Variants in TSPEAR observed in about 807,000 individuals in gnomAD.
TSPEAR encodes thrombospondin type laminin G domain and EAR repeats.
Under a neutral mutation model 71.6 loss-of-function variants are expected in TSPEAR, and 69 were observed. The observed-to-expected ratio is 0.96, with a 90% CI of 0.79 to 1.18. The LOEUF is 1.18. Among genes scored for constraint, TSPEAR ranks in the 50% most tolerant of loss-of-function variants. The pLI, the probability that TSPEAR is intolerant of heterozygous loss-of-function variation, is 0.00. For missense variants in TSPEAR, 971 were observed against 894.9 expected (o/e 1.09, Z -1.09); for synonymous variants, 402 against 387.2 (o/e 1.04, Z -0.45).
chr21:44,508,604 C>A, intron 10 of TSPEAR: 1 of 1,181,282 alleles, frequency 8.5e-7, no homozygotes, highest in Non-Finnish European at 1.1e-6. Flanking sequence ...TGCCCACTGT[C>A]CAAAATGTGG....
chr21:44,504,836 C>T lies in TSPEAR; in HGVS notation c.1800G>A (p.Leu600=). 6.2e-7 allele frequency: 1 copy of T among 1,613,128 alleles called. No homozygotes were observed. Among genetic ancestry groups the T allele is most frequent in the Non-Finnish European group, 8.5e-7 (1 of 1,179,742 alleles). The change falls in exon 11 of 12, where the codon CTG becomes CTA. Residue 600 remains leucine, a synonymous_variant. Coordinates refer to ENST00000323084, the MANE Select transcript of TSPEAR (RefSeq NM_144991.3). ...EFFSVGEDYF[L]VVANSFDGRT... ...GCCCATCGAAGGAGTTGGCCACCACCAGGAAATAATCTTCTCCCACCGAGA... is the reference window on the plus strand; with the variant it reads ...GCCCATCGAAGGAGTTGGCCACCACTAGGAAATAATCTTCTCCCACCGAGA...
chr21:44,544,129 T>C (rs2053264149), intron 2 of TSPEAR, among the ~76,000 whole-genome samples: 1 of 152,232 alleles, frequency 6.6e-6, no homozygotes, highest in Admixed American at 6.5e-5. Context: ...GGGTTTAAGT[T>C]TGCGCTGTCC....
chr21:44,647,100 A>G, intron 1 of TSPEAR: 1 of 1,612,026 alleles, frequency 6.2e-7, no homozygotes, highest in South Asian at 1.1e-5. Context: ...CTTCCTCTTC[A>G]CGCTGCCAGC....
At position 44,677,996 on chromosome 21, in the gene TSPEAR, G is replaced by A. The variant is rs587649730; in HGVS notation, c.82+33437C>T. 31 of 1,023,764 alleles carry A rather than the reference G, an allele frequency of 3.0e-5. 1 individual carries two copies. Among genetic ancestry groups the A allele is most frequent in the South Asian group, 1.6e-4 (12 of 76,142 alleles). The allele number at this position is 1,023,764 out of a possible 1,614,324, so 63.4% of individuals were successfully genotyped here. The stretch of plus-strand genomic sequence containing the variant: ...GAGCTGCCTGAAGTAGAGTATCGGC[G>A]GCATGGTCACAGTGGACGGAGGACT... On this transcript the variant is annotated intron_variant, in intron 1 of 11. Coordinates refer to ENST00000323084, the MANE Select transcript of TSPEAR (RefSeq NM_144991.3).
intron 9 of TSPEAR, chr21:44,518,642 C>T (rs1175809014): frequency 4.2e-6 from 2 of 470,846 alleles, no homozygotes; most frequent in Non-Finnish European, 8.8e-6. Flanking sequence ...CGCGACTCTG[C>T]TCTCAAGACC....
chr21:44,667,583 G>A (rs1245167296), intron 1 of TSPEAR, among the ~76,000 whole-genome samples: 5 of 152,192 alleles, frequency 3.3e-5, no homozygotes, highest in African/African-American at 9.7e-5. Context: ...GCTGGTCCAA[G>A]CATGTTCCCA....
At chr21:44,539,889 CCG>C in intron 2 of TSPEAR, 3 of 1,613,014 alleles carry the variant, frequency 1.9e-6, no homozygotes. Flanking sequence ...GTGCAGCAAG[CCG>C]GCTGGCAGCT....
At chr21:44,684,500 C>T (rs1314191882) in intron 1 of TSPEAR, among the ~76,000 whole-genome samples, 2 of 152,226 alleles carry the variant, frequency 1.3e-5, no homozygotes, top group Non-Finnish European at 2.9e-5. Context: ...CACCATCACA[C>T]TTCAGCCTGG....
intron 1 of TSPEAR, among the ~76,000 whole-genome samples, chr21:44,578,279 A>G (rs587663685): frequency 6.6e-6 from 1 of 152,366 alleles, no homozygotes; most frequent in African/African-American, 2.4e-5. Flanking sequence ...CAATACATTC[A>G]ACAGCTTAGA....
intron 1 of TSPEAR, among the ~76,000 whole-genome samples, chr21:44,618,390 T>G (rs1358647969): frequency 1.3e-5 from 2 of 152,202 alleles, no homozygotes; most frequent in Admixed American, 1.3e-4. Context: ...TATTAATTAC[T>G]CAGTCTTGGA....
intron 1 of TSPEAR, among the ~76,000 whole-genome samples, chr21:44,632,626 G>A (rs782301946): frequency 1.4e-4 from 21 of 152,140 alleles, no homozygotes; most frequent in Non-Finnish European, 4.4e-5. Context: ...AGAAGGTCAA[G>A]GGTTTGAGAC....
At chr21:44,510,254 G>A (rs587660584) in intron 9 of TSPEAR, among the ~76,000 whole-genome samples, 3 of 152,300 alleles carry the variant, frequency 2.0e-5, no homozygotes, top group East Asian at 1.9e-4. Flanking sequence ...CCCACAGGCC[G>A]GGGATCCCTG....
chr21:44,661,664 C>G (rs942395992), intron 1 of TSPEAR, among the ~76,000 whole-genome samples: 19 of 152,170 alleles, frequency 1.2e-4, no homozygotes, highest in Non-Finnish European at 2.8e-4. Flanking sequence ...CTGGCATCTG[C>G]TCAGCTTCTG....
chr21:44,706,823 C>A (rs549405762), intron 1 of TSPEAR, among the ~76,000 whole-genome samples: 30 of 152,348 alleles, frequency 2.0e-4, no homozygotes, highest in African/African-American at 5.3e-4. Flanking sequence ...AGTGCCCAAG[C>A]TGCCCATGGG....
rs1234450922 is a variant in TSPEAR at position 44,683,490 on chromosome 21, ACT to A, written c.82+27941_82+27942del. ...AGACCAGCCTGGGCAACATAGTGAG[ACT>A]CTGTCTCTACAAAAAAATGGTTAAA... On this transcript the variant is annotated intron_variant, in intron 1 of 11. Transcript: ENST00000323084. Among the ~76,000 whole-genome samples the A allele has an allele frequency of 2.3e-5, 3 of 131,466 alleles. No homozygotes were observed. In the East Asian group the frequency reaches 6.5e-4, roughly 28 times the overall value. 86.2% of individuals were successfully genotyped at this position (131,466 alleles called of 152,430 possible).
In TSPEAR at chr21:44,697,792, C is replaced by T. The variant is rs782173699; in HGVS notation, c.82+13641G>A. 2.1e-5 allele frequency: 34 copies of T among 1,613,778 alleles called. No homozygotes were observed. The Admixed American group carries it at 2.7e-4, about 13-fold the overall frequency. On this transcript the variant is annotated intron_variant, in intron 1 of 11. Coordinates refer to ENST00000323084, the MANE Select transcript of TSPEAR (RefSeq NM_144991.3). ...GCAGACCCTCCTCCTCCGTGTCCCTCCTCTGCCGCCCTGTGTGCAGACCCG... is the reference window on the plus strand; with the variant it reads ...GCAGACCCTCCTCCTCCGTGTCCCTTCTCTGCCGCCCTGTGTGCAGACCCG...
At chr21:44,557,954 A>G in intron 2 of TSPEAR, 2 of 1,396,582 alleles carry the variant, frequency 1.4e-6, no homozygotes, top group Non-Finnish European at 9.7e-7. Flanking sequence ...TGCAGTGGCT[A>G]TGGGCAGAGG....
intron 1 of TSPEAR, among the ~76,000 whole-genome samples, chr21:44,684,171 C>A (rs573233659): frequency 6.6e-6 from 1 of 152,194 alleles, no homozygotes; most frequent in Non-Finnish European, 1.5e-5. Flanking sequence ...GGAGACACAT[C>A]TTTAAAATGC....
chr21:44,593,955 G>A lies in TSPEAR; in HGVS notation c.83-25950C>T, dbSNP rs1316132610. 1.3e-5 allele frequency among the ~76,000 whole-genome samples: 2 copies of A among 152,210 alleles called. No individual in the cohort carries two copies. The highest frequency in any genetic ancestry group is 2.9e-5 in the Non-Finnish European group (2 of 68,042). ...ACTTCAGGAACCTCCTCCTGATAAG[G>A]GACCCCCAACCATGGACTGGCTCCA... On this transcript the variant is annotated intron_variant, in intron 1 of 11. Transcript: ENST00000323084. This position sits in a 1 kb window ranked among gnomAD's most constrained non-coding sequence, Gnocchi z 5.9.
Sources: gnomAD v4.1 joint callset for allele counts (sites outside exome capture counted in the v4.1 genomes callset) on GRCh38, gnomAD v4.1.1 for gene constraint, Gnocchi (gnomAD v3.1) non-coding constraint, MANE v1.5 for transcripts, NCBI Gene and HGNC (gene_info 2026-07-23, HGNC 2026-07-21) for gene names.